Variants in NUP205 observed in about 807,000 individuals in gnomAD.
NUP205 encodes nucleoporin 205, also known as nuclear pore complex protein Nup205.
A neutral mutation model predicts 253.8 loss-of-function variants in NUP205; 76 were observed. The observed-to-expected ratio is 0.30, with a 90% CI of 0.25 to 0.36. NUP205 has a LOEUF of 0.36. Among genes scored for constraint, NUP205 ranks in the 10% least tolerant of loss-of-function variants. The probability of loss-of-function intolerance (pLI) is 1.00; values close to 1 mark genes in which losing one functional copy is unlikely to be tolerated. For synonymous variants in NUP205, 832 were observed against 850.1 expected, an observed-to-expected ratio of 0.98 and a Z score of 0.37; for missense variants, 2,162 against 2,425.5, an observed-to-expected ratio of 0.89 and a Z score of 2.28.
In NUP205 at chr7:135,604,332, CT is replaced by C. The variant is rs1393792348; in HGVS notation, c.2703-5del. On this transcript the variant is annotated splice_region_variant and splice_polypyrimidine_tract_variant and intron_variant, in intron 18 of 42. Coordinates refer to ENST00000285968, the MANE Select transcript of NUP205 (RefSeq NM_015135.3). Reference sequence around the variant, plus strand: ...CACTGTTCCTCAAATGTTTTCTTTTCTTTAAAGATACCTATATCATGGCAAT... The same window carrying C: ...CACTGTTCCTCAAATGTTTTCTTTTCTTAAAGATACCTATATCATGGCAAT... 7 of 1,589,242 alleles carry C rather than the reference CT, an allele frequency of 4.4e-6. No homozygotes were observed. Among genetic ancestry groups the C allele is most frequent in the Non-Finnish European group, 6.0e-6 (7 of 1,173,062 alleles).
intron 1 of NUP205, among the ~76,000 whole-genome samples, chr7:135,570,082 G>GAGAGGT (rs1805910767): frequency 6.8e-6 from 1 of 146,714 alleles, no homozygotes; most frequent in Non-Finnish European, 1.5e-5. Flanking sequence ...GAGAGAGAGA[G>GAGAGGT]AGAGAGAGAG....
intron 42 of NUP205, among the ~76,000 whole-genome samples, chr7:135,647,378 C>T (rs1795031161): frequency 6.6e-6 from 1 of 152,228 alleles, no homozygotes; most frequent in South Asian, 2.1e-4. Flanking sequence ...ATACCACGCT[C>T]CCATCCCAAT....
intron 1 of NUP205, among the ~76,000 whole-genome samples, chr7:135,564,101 C>T (rs542658290): frequency 1.5e-4 from 22 of 151,378 alleles, no homozygotes; most frequent in Non-Finnish European, 2.9e-4. Context: ...TTCTTTGAGA[C>T]GAGGTTTCAC....
Position 135,587,582 on chromosome 7 carries a change from A to G in NUP205, c.1226A>G (p.Gln409Arg). The change falls in exon 9 of 43, where the codon CAG becomes CGG. Residue 409 changes from glutamine to arginine, a missense_variant. By Grantham distance (43) the Gln-to-Arg change is conservative. Coordinates refer to ENST00000285968, the MANE Select transcript of NUP205 (RefSeq NM_015135.3). The stretch of plus-strand genomic sequence containing the variant: ...ATCTAATAAATTTAATAGGTGAAAC[A>G]GCTGAGGAATCGGGCAGATGAAGAT... ...FLALMPMKVK[Q>R]LRNRADEDAR... The G allele has an allele frequency of 6.3e-7, 1 of 1,593,886 alleles. No individual in the cohort carries two copies. Among genetic ancestry groups the G allele is most frequent in the Non-Finnish European group, 8.5e-7 (1 of 1,169,698 alleles).
chr7:135,610,264 C>T (rs1341387557), intron 22 of NUP205, among the ~76,000 whole-genome samples: 1 of 152,144 alleles, frequency 6.6e-6, no homozygotes, highest in Non-Finnish European at 1.5e-5. Flanking sequence ...CTCTATTGCC[C>T]AGGTGGAGTG....
In NUP205 at chr7:135,598,121, C is replaced by A; in HGVS notation, c.2188C>A (p.Pro730Thr). 1 of 1,614,116 alleles carries A rather than the reference C, an allele frequency of 6.2e-7. No homozygotes were observed. Among genetic ancestry groups the A allele is most frequent in the Admixed American group, 1.7e-5 (1 of 60,000 alleles). Residue 730 changes from proline to threonine, a missense_variant, in exon 15 of 43, where the codon CCT becomes ACT. Transcript: ENST00000285968. ...PSNLGAGLRP[P>T]GFDPYLQFLR... ...TAATTTGGGTGCTGGACTGCGGCCC[C>A]CTGGCTTTGACCCTTATTTGCAGTT...
intron 31 of NUP205, among the ~76,000 whole-genome samples, chr7:135,624,457 A>G (rs988426342): frequency 6.6e-6 from 1 of 152,036 alleles, no homozygotes; most frequent in Admixed American, 6.6e-5. Context: ...GCTCACTGCA[A>G]CCTCTGCCTC....
At chr7:135,612,238 C>A (rs1159941561) in intron 22 of NUP205, among the ~76,000 whole-genome samples, 1 of 152,166 alleles carries the variant, frequency 6.6e-6, no homozygotes, top group Non-Finnish European at 1.5e-5. Flanking sequence ...TTGGTGAATT[C>A]ATTGCCCCTA....
At chr7:135,623,010 C>G (rs949497834) in intron 31 of NUP205, 85 bp downstream of exon 31, 1 of 1,380,788 alleles carries the variant, frequency 7.2e-7, no homozygotes, top group South Asian at 1.3e-5. Flanking sequence ...GGGTGTGGTG[C>G]CTCATGCCTG....
rs1794563163 is a variant in NUP205, at chr7:135,625,300, T to C, written c.4616T>C (p.Leu1539Ser). 6.2e-6 allele frequency: 10 copies of C among 1,613,898 alleles called. No individual in the cohort carries two copies. The highest frequency in any genetic ancestry group is 4.5e-5 in the East Asian group (2 of 44,886). ...GAAGATGACCGTACTTTGCAGAGCT[T>C]ACTCACCCCACAGCCTCCCCTTTTA... The part of the protein sequence containing the change: ...LVEDDRTLQS[L>S]LTPQPPLLKA... Residue 1539 changes from leucine (L) to serine (S), a missense_variant, in exon 32 of 43, where the codon TTA becomes TCA. Coordinates refer to ENST00000285968, the MANE Select transcript of NUP205 (RefSeq NM_015135.3).
At chr7:135,567,840 G>T (rs1805828078) in intron 1 of NUP205, among the ~76,000 whole-genome samples, 1 of 152,136 alleles carries the variant, frequency 6.6e-6, no homozygotes, top group Non-Finnish European at 1.5e-5. Context: ...TTTTCCTTCA[G>T]AGTCTAAACA....
intron 32 of NUP205, 67 bp downstream of exon 32, chr7:135,625,422 A>G: frequency 2.5e-6 from 3 of 1,183,640 alleles, no homozygotes; most frequent in Non-Finnish European, 3.5e-6. Context: ...GATGTATTAA[A>G]GAAAATTAAT....
At chr7:135,560,674 T>TAA (rs1271182057) in intron 1 of NUP205, among the ~76,000 whole-genome samples, 1 of 152,158 alleles carries the variant, frequency 6.6e-6, no homozygotes, top group Non-Finnish European at 1.5e-5. Context: ...TCCTGTCACA[T>TAA]AAAACAACGT....
intron 10 of NUP205, 127 bp downstream of exon 10, chr7:135,588,119 CT>C: frequency 3.1e-6 from 2 of 641,998 alleles, no homozygotes; most frequent in Non-Finnish European, 4.6e-6. Flanking sequence ...CCTTTAGAGA[CT>C]TACACTTTTT....
In NUP205 at chr7:135,564,108, T is replaced by C. The variant is rs887285147; in HGVS notation, c.28+6136T>C. Among the ~76,000 whole-genome samples the C allele has an allele frequency of 1.2e-4, 18 of 151,982 alleles. 1 individual carries two copies. Among genetic ancestry groups the C allele is most frequent in the African/African-American group, 3.4e-4 (14 of 41,308 alleles). The stretch of plus-strand genomic sequence containing the variant: ...TCTTTTTCTTCTTTGAGACGAGGTT[T>C]CACTCTGTTGCCCACGCTGGAGTGC... On this transcript the variant is annotated intron_variant, in intron 1 of 42. Transcript: ENST00000285968.
chr7:135,607,403 A>G (rs767813131), intron 22 of NUP205, 32 bp downstream of exon 22: 11 of 1,606,720 alleles, frequency 6.8e-6, no homozygotes, highest in Admixed American at 6.8e-5. Flanking sequence ...GTGGTACTGA[A>G]TAGAAGAAAC....
At position 135,601,867 on chromosome 7, in the gene NUP205, A is replaced by G. The variant is rs573386156; in HGVS notation, c.2512+360A>G. ...TATAGTGCTTGATACATAGTGGTCA[A>G]TAAATTTTACTTGTTATTATTACCA... On this transcript the variant is annotated intron_variant, in intron 17 of 42. Transcript: ENST00000285968. Among the ~76,000 whole-genome samples the G allele has an allele frequency of 3.3e-5, 5 of 152,346 alleles. No homozygotes were observed. The East Asian group carries it at 9.6e-4, about 29-fold the overall frequency.
At chr7:135,643,412 G>A in intron 39 of NUP205, 54 bp downstream of exon 39, 2 of 1,459,756 alleles carry the variant, frequency 1.4e-6, no homozygotes, top group Non-Finnish European at 1.9e-6. Context: ...CTGTTACTAG[G>A]CCAGGGTACT....
chr7:135,646,476 C>T (rs1248664161), intron 42 of NUP205, among the ~76,000 whole-genome samples: 3 of 152,160 alleles, frequency 2.0e-5, no homozygotes, highest in Middle Eastern at 3.4e-3. Context: ...GGAGAATCAC[C>T]TGAGCCTGGG....
Sources: allele counts gnomAD v4.1 joint callset (sites outside exome capture counted in the v4.1 genomes callset), GRCh38; gene constraint gnomAD v4.1.1; transcripts MANE v1.5; gene names NCBI Gene and HGNC (gene_info 2026-07-23, HGNC 2026-07-21).